RRM2: variants seen among roughly 807,000 people sequenced by gnomAD.
RRM2 encodes the protein ribonucleoside-diphosphate reductase subunit M2.
In RRM2, 6 loss-of-function variants were observed where a neutral mutation model predicts 45.9. That is an observed-to-expected ratio of 0.13 (90% confidence interval 0.07 to 0.26). The LOEUF is 0.26. RRM2 is among the 10% of genes least tolerant of loss of function. RRM2 has a pLI of 1.00. For synonymous variants in RRM2, 177 were observed against 173.0 expected (o/e 1.02, Z -0.18); for missense variants, 343 against 489.5 (o/e 0.70, Z 2.82).
At chr2:10,174,870 TAAAAAA>T (rs57446176) in intron 3 of RRM2, among the ~76,000 whole-genome samples, 2 of 144,916 alleles carry the variant, frequency 1.4e-5, no homozygotes, top group Non-Finnish European at 3.0e-5. Context: ...CAAAAATGGT[TAAAAAA>T]AAAAAAAGAA....
At position 10,169,574 on chromosome 2, in the gene RRM2, AG is replaced by A. The variant is rs542075180; in HGVS notation, n.482+27205del. On this transcript the variant is annotated intron_variant and non_coding_transcript_variant, in intron 3 of 3. Coordinates refer to the RRM2 transcript ENST00000381786. This position sits in a 1 kb window ranked among gnomAD's most constrained non-coding sequence, Gnocchi z 5.1. Reference sequence around the variant, plus strand: ...GGGTGAGCTGGGGTTGGGGAGGCGCAGGGGGGCTCCCCAGCAGAGGGAGGGC... The same window carrying A: ...GGGTGAGCTGGGGTTGGGGAGGCGCAGGGGGCTCCCCAGCAGAGGGAGGGC... Among the ~76,000 whole-genome samples the A allele has an allele frequency of 4.0e-3, 610 of 152,194 alleles. 4 individuals carry two copies. Among genetic ancestry groups the A allele is most frequent in the African/African-American group, 0.014 (578 of 41,544 alleles).
chr2:10,182,151 G>A (rs1183002570), intron 3 of RRM2, among the ~76,000 whole-genome samples: 12 of 152,000 alleles, frequency 7.9e-5, no homozygotes, highest in African/African-American at 2.7e-4. Context: ...CAGCCTGGCC[G>A]ACATGGTGAA....
intron 3 of RRM2, among the ~76,000 whole-genome samples, chr2:10,206,138 C>G (rs1664660014): frequency 6.6e-6 from 1 of 151,356 alleles, no homozygotes; most frequent in African/African-American, 2.4e-5. Context: ...TCCAGCTACT[C>G]AGGAGGCTGA....
rs62127561 is a variant in RRM2 at position 10,195,631 on chromosome 2, G to A, written n.483-14680G>A. On this transcript the variant is annotated intron_variant and non_coding_transcript_variant, in intron 3 of 3. Coordinates refer to the RRM2 transcript ENST00000381786. The surrounding 1 kb of genome is among the most constrained non-coding windows in gnomAD (Gnocchi z 4.9). ...TGGGAAGCGAGGGAGAAGAGGTCGC[G>A]GTGAGCCTCGGGTGGACCCATGTGG... Among the ~76,000 whole-genome samples, 13,550 of 152,222 alleles carry A rather than the reference G, an allele frequency of 0.089. 745 individuals carry two copies. The highest frequency in any genetic ancestry group is 0.15 in the Middle Eastern group (44 of 294).
At chr2:10,198,750 A>C (rs920009256) in intron 3 of RRM2, 1 of 151,958 alleles carries the variant, frequency 6.6e-6, no homozygotes, top group Non-Finnish European at 1.5e-5. Context: ...TGTCAGGAGC[A>C]CTCTCTCTTA....
intron 3 of RRM2, among the ~76,000 whole-genome samples, chr2:10,177,730 T>C (rs1164606836): frequency 9.9e-5 from 13 of 131,116 alleles, no homozygotes; most frequent in African/African-American, 3.2e-4. Context: ...TCCCTCCCTC[T>C]CTCTCTCTTT....
At chr2:10,136,268 G>A (rs1345857796), downstream of RRM2, among the ~76,000 whole-genome samples, 7 of 152,266 alleles carry the variant, frequency 4.6e-5, no homozygotes, top group African/African-American at 1.7e-4. Flanking sequence ...GATACCAGGT[G>A]AAAAGACAAG....
At chr2:10,163,361 C>G (rs1035710726) in intron 3 of RRM2, among the ~76,000 whole-genome samples, 8 of 151,810 alleles carry the variant, frequency 5.3e-5, no homozygotes, top group South Asian at 4.2e-4. Context: ...GTAGCTGTCT[C>G]TGGGGCTGGG....
At position 10,122,798 on chromosome 2, in the gene RRM2, T is replaced by C. The variant is rs765947804; in HGVS notation, c.-1T>C. ...TCGCTCTGCTTCGCTGCGCCTCCAC[T>C]ATGCTCTCCCTCCGTGTCCCGCTCG... On this transcript the variant is annotated 5_prime_UTR_variant, in exon 1 of 10. Coordinates refer to ENST00000304567, the MANE Select transcript of RRM2 (RefSeq NM_001034.4). 4 of 1,589,178 alleles carry C rather than the reference T, an allele frequency of 2.5e-6. No homozygotes were observed. The highest frequency in any genetic ancestry group is 1.7e-6 in the Non-Finnish European group (2 of 1,169,238).
intron 3 of RRM2, chr2:10,155,212 G>C (rs1266875590): frequency 3.7e-6 from 1 of 272,328 alleles, no homozygotes; most frequent in Non-Finnish European, 7.3e-6. Flanking sequence ...GCCTAATGGG[G>C]TTTCTTTAAT....
At chr2:10,196,361 C>G (rs1053211493) in intron 3 of RRM2, among the ~76,000 whole-genome samples, 1 of 152,188 alleles carries the variant, frequency 6.6e-6, no homozygotes, top group East Asian at 1.9e-4. Flanking sequence ...TTGGAAAGAG[C>G]TGGGTTTCAT....
chr2:10,159,696 C>T (rs1040391875), intron 3 of RRM2, among the ~76,000 whole-genome samples: 17 of 152,212 alleles, frequency 1.1e-4, no homozygotes, highest in Non-Finnish European at 2.1e-4. Context: ...CTTTATTGGC[C>T]GCTGTATTGT....
In RRM2 at chr2:10,209,211, C is replaced by A. The variant is rs539076229; in HGVS notation, n.483-1100C>A. On this transcript the variant is annotated intron_variant and non_coding_transcript_variant, in intron 3 of 3. Transcript: ENST00000381786. The stretch of plus-strand genomic sequence containing the variant: ...TAGCTGGGATTATAGACATGCACCA[C>A]CACGCATGGCTAATTTTTGTATTTT... 4.6e-5 allele frequency among the ~76,000 whole-genome samples: 7 copies of A among 152,138 alleles called. 1 individual carries two copies. In the South Asian group the frequency reaches 1.4e-3, roughly 32 times the overall value.
chr2:10,184,785 TCCATGAA>T (rs1664129707), intron 3 of RRM2, among the ~76,000 whole-genome samples: 1 of 152,180 alleles, frequency 6.6e-6, no homozygotes, highest in African/African-American at 2.4e-5. Context: ...TGGGAGGAGC[TCCATGAA>T]CATCTCAACC....
At chr2:10,173,961 A>G (rs1045135260) in intron 3 of RRM2, among the ~76,000 whole-genome samples, 5 of 152,152 alleles carry the variant, frequency 3.3e-5, no homozygotes, top group African/African-American at 1.2e-4. Context: ...GGGACTGTGG[A>G]GGCACCATTG....
intron 3 of RRM2, among the ~76,000 whole-genome samples, chr2:10,209,461 T>A (rs1184518594): frequency 6.6e-6 from 1 of 152,252 alleles, no homozygotes; most frequent in African/African-American, 2.4e-5. Flanking sequence ...TATTGTTTTG[T>A]CTGCCCAGTC....
chr2:10,127,030 T>G lies in RRM2; in HGVS notation c.665-57T>G. ...TCATTTTCCAAGTAATGTTACTGGATTTTTGGCCCTTGAATACCAACTCAC... is the reference window on the plus strand; with the variant it reads ...TCATTTTCCAAGTAATGTTACTGGAGTTTTGGCCCTTGAATACCAACTCAC... On this transcript the variant is annotated intron_variant, in intron 6 of 9. Coordinates refer to ENST00000304567, the MANE Select transcript of RRM2 (RefSeq NM_001034.4). This position sits in a 1 kb window ranked among gnomAD's most constrained non-coding sequence, Gnocchi z 4.1. 3 of 1,610,228 alleles carry G rather than the reference T, an allele frequency of 1.9e-6. No homozygotes were observed. The highest frequency in any genetic ancestry group is 1.1e-5 in the South Asian group (1 of 90,970).
chr2:10,208,258 C>T (rs1664698070), intron 3 of RRM2, among the ~76,000 whole-genome samples: 1 of 152,124 alleles, frequency 6.6e-6, no homozygotes, highest in African/African-American at 2.4e-5. Context: ...GAGCTGAGAC[C>T]ACCCAGTCCT....
intron 3 of RRM2, among the ~76,000 whole-genome samples, chr2:10,207,817 G>A (rs770493060): frequency 1.1e-4 from 16 of 151,990 alleles, no homozygotes; most frequent in Non-Finnish European, 2.2e-4. Context: ...ATTTATTCAT[G>A]TAGTTAGTTA....
Sources: gnomAD v4.1 joint callset for allele counts (sites outside exome capture counted in the v4.1 genomes callset) on GRCh38, gnomAD v4.1.1 for gene constraint, Gnocchi (gnomAD v3.1) non-coding constraint, MANE v1.5 for transcripts, NCBI Gene and HGNC (gene_info 2026-07-23, HGNC 2026-07-21) for gene names.